PDGFRA: variants seen among roughly 807,000 people sequenced by gnomAD.
PDGFRA encodes the protein platelet-derived growth factor receptor alpha.
Under a neutral mutation model 121.5 loss-of-function variants are expected in PDGFRA, and 25 were observed. The observed-to-expected ratio is 0.21, with a 90% CI of 0.15 to 0.29. The LOEUF is 0.29. PDGFRA is among the 10% of genes least tolerant of loss of function. The probability of loss-of-function intolerance (pLI) is 1.00; values close to 1 mark genes in which losing one functional copy is unlikely to be tolerated. For synonymous variants in PDGFRA, 463 were observed against 494.8 expected, an observed-to-expected ratio of 0.94 and a Z score of 0.85; for missense variants, 1,008 against 1,345.1, an observed-to-expected ratio of 0.75 and a Z score of 3.92.
Position 54,235,433 on chromosome 4 carries a change from A to C in PDGFRA, c.-13+6018A>C, listed in dbSNP as rs375848762. 3.9e-4 allele frequency among the ~76,000 whole-genome samples: 59 copies of C among 152,394 alleles called. No individual in the cohort carries two copies. The South Asian group carries it at 8.3e-3, about 21-fold the overall frequency. ...TACTGTCTGTTTACACTACCTTTGC[A>C]CATTGCCTTTGGTTATAGAGTCATG... On this transcript the variant is annotated intron_variant, in intron 1 of 22. Transcript: ENST00000257290.
At chr4:54,241,644 G>C (rs1159900906) in intron 1 of PDGFRA, among the ~76,000 whole-genome samples, 3 of 151,996 alleles carry the variant, frequency 2.0e-5, no homozygotes, top group Admixed American at 6.6e-5. Flanking sequence ...CCGCATCCTG[G>C]GTTCAGGCAT....
rs901114942 is a variant in PDGFRA, at chr4:54,297,517, A to C, written c.*2245A>C. 4.3e-6 allele frequency: 1 copy of C among 233,546 alleles called. No homozygotes were observed. Among genetic ancestry groups the C allele is most frequent in the Non-Finnish European group, 8.5e-6 (1 of 118,064 alleles). 14.5% of individuals were successfully genotyped at this position (233,546 alleles called of 1,614,324 possible). A position where few individuals can be genotyped will look rare whatever the true frequency, so the allele number is the denominator to read the frequency against. On this transcript the variant is annotated 3_prime_UTR_variant, in exon 23 of 23. Coordinates refer to ENST00000257290, the MANE Select transcript of PDGFRA (RefSeq NM_006206.6). The stretch of plus-strand genomic sequence containing the variant: ...GTTTATCGCTCACTCTCCCTTGTAC[A>C]GCCTTATTTTGTTGGTGCTTTGCAT...
intron 1 of PDGFRA, among the ~76,000 whole-genome samples, chr4:54,246,689 T>C (rs1311331231): frequency 6.6e-6 from 1 of 151,642 alleles, no homozygotes; most frequent in East Asian, 1.9e-4. Context: ...ATTCAAAAGC[T>C]AGCAGAAGGC....
chr4:54,295,412 A>AGC lies in PDGFRA; in HGVS notation c.*142_*143dup, dbSNP rs1724837938. The AGC allele has an allele frequency of 9.0e-6, 7 of 778,286 alleles. No individual in the cohort carries two copies. The highest frequency in any genetic ancestry group is 1.5e-5 in the Non-Finnish European group (7 of 461,632). 48.2% of individuals were successfully genotyped at this position (778,286 alleles called of 1,614,324 possible). ...AAGTTCCCAGCCAAGGGCCTCGGGGAGCGTTCTAAATATGAATGAATGGGA... is the reference window on the plus strand; with the variant it reads ...AAGTTCCCAGCCAAGGGCCTCGGGGAGCGCGTTCTAAATATGAATGAATGGGA... On this transcript the variant is annotated 3_prime_UTR_variant, in exon 23 of 23. Coordinates refer to ENST00000257290, the MANE Select transcript of PDGFRA (RefSeq NM_006206.6).
chr4:54,270,520 G>A (rs2110278725), intron 7 of PDGFRA, 113 bp from the exon 8 acceptor site: 1 of 699,474 alleles, frequency 1.4e-6, no homozygotes, highest in Non-Finnish European at 2.6e-6. Flanking sequence ...AAGAAAAAAA[G>A]ATGACTTTAC....
intron 1 of PDGFRA, among the ~76,000 whole-genome samples, chr4:54,248,540 C>T (rs1721835328): frequency 1.3e-5 from 2 of 152,108 alleles, no homozygotes; most frequent in South Asian, 4.1e-4. Context: ...TGGATCCCTT[C>T]CTTACACCTT....
chr4:54,255,838 CAACA>C (rs1297556342), intron 1 of PDGFRA, among the ~76,000 whole-genome samples: 4 of 151,982 alleles, frequency 2.6e-5, no homozygotes, highest in Admixed American at 2.6e-4. Context: ...ACAACAACAA[CAACA>C]AACAGTTTAT....
chr4:54,257,828 G>A (rs2110232693), intron 1 of PDGFRA, among the ~76,000 whole-genome samples: 1 of 152,222 alleles, frequency 6.6e-6, no homozygotes, highest in East Asian at 1.9e-4. Flanking sequence ...GGCAACAGGA[G>A]CCCCCTTTTA....
At chr4:54,271,782 T>TCCTC (rs1158507980) in intron 8 of PDGFRA, among the ~76,000 whole-genome samples, 3 of 142,366 alleles carry the variant, frequency 2.1e-5, no homozygotes, top group Non-Finnish European at 4.6e-5. Flanking sequence ...CTTCCTTCCT[T>TCCTC]CCTCCCTCCC....
intron 18 of PDGFRA, among the ~76,000 whole-genome samples, chr4:54,286,466 C>T (rs976555016): frequency 6.6e-6 from 1 of 151,986 alleles, no homozygotes; most frequent in Non-Finnish European, 1.5e-5. Flanking sequence ...AAGCAATTCT[C>T]CTGCCTTAGC....
intron 13 of PDGFRA, 79 bp from the exon 14 acceptor site, chr4:54,277,817 A>T: frequency 2.3e-6 from 2 of 875,852 alleles, no homozygotes; most frequent in Non-Finnish European, 3.9e-6. Context: ...TCACAGGATT[A>T]GTCATATTCT....
chr4:54,248,406 A>G (rs1007420192), intron 1 of PDGFRA, among the ~76,000 whole-genome samples: 10 of 152,170 alleles, frequency 6.6e-5, no homozygotes, highest in Admixed American at 3.9e-4. Context: ...CTCAGAAATA[A>G]CGCCGCATAT....
intron 1 of PDGFRA, among the ~76,000 whole-genome samples, chr4:54,234,172 G>A (rs1428666030): frequency 1.3e-5 from 2 of 152,200 alleles, no homozygotes; most frequent in Non-Finnish European, 2.9e-5. Flanking sequence ...CCGGTGATGG[G>A]GATGATGATG....
At chr4:54,248,389 C>G (rs1721823562) in intron 1 of PDGFRA, among the ~76,000 whole-genome samples, 1 of 152,164 alleles carries the variant, frequency 6.6e-6, no homozygotes, top group African/African-American at 2.4e-5. Flanking sequence ...TGGAACAGAA[C>G]AGAACCCTCA....
At chr4:54,229,581 C>T (rs1458483965) in intron 1 of PDGFRA, among the ~76,000 whole-genome samples, 166 bp downstream of exon 1, 1 of 149,730 alleles carries the variant, frequency 6.7e-6, no homozygotes, top group Non-Finnish European at 1.5e-5. Context: ...TCGGAATAAA[C>T]TTCACTTGGG....
At chr4:54,277,770 C>T (rs755703808) in intron 13 of PDGFRA, 126 bp from the exon 14 acceptor site, 31 of 743,592 alleles carry the variant, frequency 4.2e-5, no homozygotes, top group Non-Finnish European at 3.4e-5. Flanking sequence ...TAGCTATCTG[C>T]TTCTTTTAGA....
At chr4:54,293,433 T>C (rs1026491588) in intron 22 of PDGFRA, among the ~76,000 whole-genome samples, 2 of 144,222 alleles carry the variant, frequency 1.4e-5, no homozygotes, top group Non-Finnish European at 3.0e-5. Context: ...GAATTTCTTT[T>C]TTTTTTTTTT....
rs1275484183 is a variant in PDGFRA at position 54,278,237 on chromosome 4, A to C, written c.2003-125A>C. The C allele has an allele frequency of 9.2e-5, 60 of 654,314 alleles. 3 individuals are homozygous for C. Among genetic ancestry groups the C allele is most frequent in the African/African-American group, 3.7e-4 (20 of 53,888 alleles). 40.5% of individuals were successfully genotyped at this position (654,314 alleles called of 1,614,324 possible). On this transcript the variant is annotated intron_variant, in intron 14 of 22. Transcript: ENST00000257290. ...TGGCTCTTTATTAAAAAAAAAAAAA[A>C]AAAAAAAAAAAAAAAACTTTTTTGG...
chr4:54,262,337 G>A (rs1410760771), intron 3 of PDGFRA, among the ~76,000 whole-genome samples: 1 of 152,098 alleles, frequency 6.6e-6, no homozygotes, highest in African/African-American at 2.4e-5. Context: ...AAAGTTCTGG[G>A]ATTACAGGCA....
Sources: gnomAD v4.1 joint callset for allele counts (sites outside exome capture counted in the v4.1 genomes callset) on GRCh38, gnomAD v4.1.1 for gene constraint, MANE v1.5 for transcripts, NCBI Gene and HGNC (gene_info 2026-07-23, HGNC 2026-07-21) for gene names.